Variants in DNM3 observed in about 807,000 individuals in gnomAD.
DNM3 encodes dynamin 3.
A neutral mutation model predicts 101.6 loss-of-function variants in DNM3; 47 were observed. That is an observed-to-expected ratio of 0.46 (90% CI 0.37 to 0.59). DNM3 has a LOEUF of 0.59. Ranked by LOEUF, DNM3 falls within the 20% of genes least tolerant of loss-of-function variation. The probability of loss-of-function intolerance (pLI) is 0.00; values close to 1 mark genes in which losing one functional copy is unlikely to be tolerated. For missense variants in DNM3, 849 were observed against 1,085.7 expected, an observed-to-expected ratio of 0.78 and a Z score of 3.06; for synonymous variants, 385 against 387.9, an observed-to-expected ratio of 0.99 and a Z score of 0.09.
At chr1:172,238,025 G>A (rs2061608737) in intron 14 of DNM3, among the ~76,000 whole-genome samples, 1 of 152,092 alleles carries the variant, frequency 6.6e-6, no homozygotes, top group Non-Finnish European at 1.5e-5. Flanking sequence ...CATAACTGAT[G>A]TATTGATGTC....
chr1:172,123,959 C>T (rs2056472204), intron 13 of DNM3, among the ~76,000 whole-genome samples: 1 of 152,252 alleles, frequency 6.6e-6, no homozygotes, highest in East Asian at 1.9e-4. Context: ...CCTCTTAGCA[C>T]CACTAGTGGA....
intron 14 of DNM3, among the ~76,000 whole-genome samples, chr1:172,164,031 C>T (rs978146388): frequency 2.4e-4 from 37 of 151,634 alleles, no homozygotes; most frequent in African/African-American, 8.2e-4. Context: ...GTTGTTTCCA[C>T]ATCTTGGCTA....
At chr1:171,911,710 G>T (rs1010610662) in intron 1 of DNM3, among the ~76,000 whole-genome samples, 1 of 152,144 alleles carries the variant, frequency 6.6e-6, no homozygotes, top group African/African-American at 2.4e-5. Flanking sequence ...CAGGACCAAG[G>T]ACAGTAATTG....
intron 2 of DNM3, among the ~76,000 whole-genome samples, chr1:171,934,967 AT>A (rs1459662436): frequency 6.6e-6 from 1 of 152,172 alleles, no homozygotes; most frequent in Admixed American, 6.6e-5. Flanking sequence ...TAAGAGACCC[AT>A]TTTAGAAAAA....
At chr1:171,868,119 A>G (rs571174986) in intron 1 of DNM3, among the ~76,000 whole-genome samples, 1 of 152,270 alleles carries the variant, frequency 6.6e-6, no homozygotes, top group South Asian at 2.1e-4. Context: ...CTTCAGCTCA[A>G]AATTGTTATC....
rs535577728 is a variant in DNM3 at position 172,110,549 on chromosome 1, A to G, written c.1545+17674A>G. Among the ~76,000 whole-genome samples, 3 of 152,352 alleles carry G rather than the reference A, an allele frequency of 2.0e-5. No individual in the cohort carries two copies. The East Asian group carries it at 5.8e-4, about 29-fold the overall frequency. On this transcript the variant is annotated intron_variant, in intron 13 of 20. Transcript: ENST00000627582. ...TGGAATTAAATCACCAGCTACATAA[A>G]TGTTCTATAAAATAATGACTCAAAC...
chr1:172,096,989 G>A (rs766601511), intron 13 of DNM3, among the ~76,000 whole-genome samples: 13 of 152,092 alleles, frequency 8.5e-5, no homozygotes, highest in Non-Finnish European at 1.8e-4. Flanking sequence ...GAATTGGAAG[G>A]GTTATAAAGA....
At chr1:172,387,047 C>A in intron 18 of DNM3, 86 bp from the exon 19 acceptor site, 1 of 1,169,854 alleles carries the variant, frequency 8.5e-7, no homozygotes, top group African/African-American at 1.5e-5. Context: ...GGACTTTGTC[C>A]AGACTCTGAC....
intron 1 of DNM3, among the ~76,000 whole-genome samples, chr1:171,918,506 G>C (rs556259988): frequency 2.0e-5 from 3 of 152,166 alleles, no homozygotes; most frequent in African/African-American, 7.2e-5. Flanking sequence ...TTCAGATTAG[G>C]TGCTCATTCT....
At chr1:172,316,449 G>A (rs1391489617) in intron 16 of DNM3, among the ~76,000 whole-genome samples, 2 of 151,970 alleles carry the variant, frequency 1.3e-5, no homozygotes, top group African/African-American at 2.4e-5. Context: ...CTGGCAAATG[G>A]GATAAAGAAT....
chr1:172,086,879 G>A (rs2053570260), intron 12 of DNM3, among the ~76,000 whole-genome samples: 1 of 151,988 alleles, frequency 6.6e-6, no homozygotes, highest in Non-Finnish European at 1.5e-5. Context: ...ACCTGTATGT[G>A]GCTGTTGAGC....
At chr1:172,269,290 C>G (rs925131416) in intron 15 of DNM3, among the ~76,000 whole-genome samples, 3 of 152,200 alleles carry the variant, frequency 2.0e-5, no homozygotes, top group Non-Finnish European at 4.4e-5. Context: ...ACACATTGCC[C>G]TCTCTCCACC....
At chr1:172,252,777 T>C (rs958513435) in intron 14 of DNM3, among the ~76,000 whole-genome samples, 4 of 152,166 alleles carry the variant, frequency 2.6e-5, no homozygotes, top group African/African-American at 9.6e-5. Context: ...TTTCCAATAA[T>C]TTTTTGGCAT....
At chr1:172,061,536 G>A (rs372030159) in intron 10 of DNM3, among the ~76,000 whole-genome samples, 76 of 151,514 alleles carry the variant, frequency 5.0e-4, no homozygotes, top group South Asian at 1.5e-3. Context: ...TGATGAGTTC[G>A]TGTCCTTTGT....
Position 172,411,779 on chromosome 1 carries a change from G to A in DNM3, c.*3938G>A, listed in dbSNP as rs2071222493. 1 of 985,530 alleles carries A rather than the reference G, an allele frequency of 1.0e-6. No individual in the cohort carries two copies. The highest frequency in any genetic ancestry group is 5.2e-4 in the Middle Eastern group (1 of 1,914). 61.0% of individuals were successfully genotyped at this position (985,530 alleles called of 1,614,324 possible). ...ACTCATGAAAGAAGATAGTGTATGA[G>A]ACTTAAGCCATGAGTTTTGTATCAT... On this transcript the variant is annotated 3_prime_UTR_variant, in exon 21 of 21. Coordinates refer to ENST00000627582, the MANE Select transcript of DNM3 (RefSeq NM_015569.5).
At chr1:171,915,488 C>T (rs2039640026) in intron 1 of DNM3, among the ~76,000 whole-genome samples, 1 of 152,098 alleles carries the variant, frequency 6.6e-6, no homozygotes, top group African/African-American at 2.4e-5. Context: ...GACATGGTGA[C>T]CAACTTGGAG....
chr1:172,062,016 T>G (rs2051268859), intron 10 of DNM3, among the ~76,000 whole-genome samples: 1 of 152,202 alleles, frequency 6.6e-6, no homozygotes, highest in Non-Finnish European at 1.5e-5. Context: ...CTGAAACTTT[T>G]GTTGGGTATT....
intron 2 of DNM3, among the ~76,000 whole-genome samples, chr1:171,941,732 T>A (rs2041830312): frequency 6.6e-6 from 1 of 152,198 alleles, no homozygotes. Context: ...TTTCCCCACA[T>A]ATTAATTAGG....
At position 172,303,832 on chromosome 1, in the gene DNM3, G is replaced by A. The variant is rs12562670; in HGVS notation, c.1770-4896G>A. On this transcript the variant is annotated intron_variant, in intron 15 of 20. Transcript: ENST00000627582. ...TCCTTTACAGACAAGCAAATGCTGA[G>A]AGATTTTGTCACCACCAGACCTGCC... Among the ~76,000 whole-genome samples, 254 of 152,228 alleles carry A rather than the reference G, an allele frequency of 1.7e-3. 1 individual carries two copies. Among genetic ancestry groups the A allele is most frequent in the Admixed American group, 0.011 (167 of 15,296 alleles).
Sources: gnomAD v4.1 joint callset for allele counts (sites outside exome capture counted in the v4.1 genomes callset) on GRCh38, gnomAD v4.1.1 for gene constraint, MANE v1.5 for transcripts, NCBI Gene and HGNC (gene_info 2026-07-23, HGNC 2026-07-21) for gene names.